MECOM: variants seen among roughly 807,000 people sequenced by gnomAD.
MECOM encodes histone-lysine N-methyltransferase MECOM.
Under a neutral mutation model 116.3 loss-of-function variants are expected in MECOM, and 13 were observed. The ratio of observed to expected loss-of-function variants is 0.11; its 90% CI spans 0.07 to 0.18. The LOEUF (loss-of-function observed/expected upper bound fraction) is 0.18, where lower values mean the gene tolerates loss of function less well. Ranked by LOEUF, MECOM falls within the 10% of genes least tolerant of loss-of-function variation. The probability of loss-of-function intolerance (pLI) is 1.00; values close to 1 mark genes in which losing one functional copy is unlikely to be tolerated. For missense variants in MECOM, 1,299 were observed against 1,509.0 expected (o/e 0.86, Z 2.31); for synonymous variants, 528 against 535.2 (o/e 0.99, Z 0.19).
intron 2 of MECOM, chr3:169,149,779 CATCATCATTATTATTATATTAAT>C (rs1740863699): frequency 2.3e-6 from 1 of 433,106 alleles, no homozygotes; most frequent in African/African-American, 2.1e-5. Context: ...GAATTCATTG[CATCATCATTATTATTATATTAAT>C]ATCATCATTA....
chr3:169,318,667 A>G (rs1236466176), intron 2 of MECOM, among the ~76,000 whole-genome samples: 2 of 152,152 alleles, frequency 1.3e-5, no homozygotes, highest in Non-Finnish European at 2.9e-5. Flanking sequence ...TACACTGTTG[A>G]TGGCAGTGTA....
intron 2 of MECOM, among the ~76,000 whole-genome samples, chr3:169,378,462 CAAGCAAGCAAGCAA>C (rs1372776113): frequency 2.8e-4 from 11 of 39,210 alleles, no homozygotes; most frequent in East Asian, 7.4e-4. Context: ...GGAAAGCAAG[CAAGCAAGCAAGCAA>C]GAAAGAGAGA....
Position 169,478,635 on chromosome 3 carries a change from T to C in MECOM, c.38-97111A>G, listed in dbSNP as rs867066353. Among the ~76,000 whole-genome samples, 4 of 152,244 alleles carry C rather than the reference T, an allele frequency of 2.6e-5. No homozygotes were observed. In the South Asian group the frequency reaches 8.3e-4, roughly 32 times the overall value. ...CTTAACCACCCACGGGAATAGCGAC[T>C]GGTGCCTGCCACTTCCCTAAGGTTG... On this transcript the variant is annotated intron_variant, in intron 1 of 16. Coordinates refer to ENST00000651503, the MANE Select transcript of MECOM (RefSeq NM_004991.4).
intron 2 of MECOM, among the ~76,000 whole-genome samples, chr3:169,258,214 C>T (rs1337387187): frequency 6.6e-6 from 1 of 150,992 alleles, no homozygotes; most frequent in African/African-American, 2.4e-5. Flanking sequence ...AGAAAGACTC[C>T]ATCACAAAAA....
chr3:169,262,491 C>T (rs1175921748), intron 2 of MECOM, among the ~76,000 whole-genome samples: 1 of 152,150 alleles, frequency 6.6e-6, no homozygotes, highest in Non-Finnish European at 1.5e-5. Context: ...TCTCATTCCC[C>T]AGCTCTGCTT....
At chr3:169,107,766 A>G (rs546696942) in intron 10 of MECOM, among the ~76,000 whole-genome samples, 160 bp downstream of exon 10, 1 of 152,344 alleles carries the variant, frequency 6.6e-6, no homozygotes, top group East Asian at 1.9e-4. Context: ...TATAACTGAA[A>G]GAATGCAGCT....
Position 169,663,375 on chromosome 3 carries a change from T to C in MECOM, c.-3A>G. 6.2e-7 allele frequency: 1 copy of C among 1,610,554 alleles called. No individual in the cohort carries two copies. The highest frequency in any genetic ancestry group is 2.2e-5 in the East Asian group (1 of 44,818). ...CTTGCCCTGCCTTTGGATCTCATGC[T>C]GTGCCCAGTCCTGCAGCCGCTGGTG... On this transcript the variant is annotated 5_prime_UTR_variant, in exon 1 of 17. Transcript: ENST00000651503.
intron 2 of MECOM, among the ~76,000 whole-genome samples, chr3:169,298,491 T>C (rs909081565): frequency 4.6e-5 from 7 of 152,032 alleles, no homozygotes; most frequent in African/African-American, 1.7e-4. Flanking sequence ...CATCTATTTA[T>C]ATATACATAT....
chr3:169,360,467 T>C (rs1413579949), intron 2 of MECOM, among the ~76,000 whole-genome samples: 1 of 151,632 alleles, frequency 6.6e-6, no homozygotes, highest in Non-Finnish European at 1.5e-5. Context: ...ATCCTCAAAT[T>C]TCTGCCCAGA....
chr3:169,248,063 A>C (rs1755817020), intron 2 of MECOM, among the ~76,000 whole-genome samples: 1 of 152,234 alleles, frequency 6.6e-6, no homozygotes, highest in African/African-American at 2.4e-5. Context: ...CATGTGTTTA[A>C]GTATTTAGGA....
chr3:169,434,446 T>G (rs1742293276), intron 1 of MECOM, among the ~76,000 whole-genome samples: 1 of 152,076 alleles, frequency 6.6e-6, no homozygotes. Flanking sequence ...TTTACTGTTT[T>G]TTTTTTGTTT....
At chr3:169,095,563 T>C (rs911528221) in intron 12 of MECOM, among the ~76,000 whole-genome samples, 2 of 152,194 alleles carry the variant, frequency 1.3e-5, no homozygotes, top group African/African-American at 4.8e-5. Flanking sequence ...TTTTATCTTC[T>C]GCTTAGGACA....
chr3:169,189,274 AC>A (rs1401409338), intron 2 of MECOM, among the ~76,000 whole-genome samples: 1 of 152,040 alleles, frequency 6.6e-6, no homozygotes, highest in Non-Finnish European at 1.5e-5. Context: ...AAAGTCTTCT[AC>A]TTGACCTTTA....
At chr3:169,342,969 T>G (rs1052203748) in intron 2 of MECOM, among the ~76,000 whole-genome samples, 2 of 152,104 alleles carry the variant, frequency 1.3e-5, no homozygotes, top group African/African-American at 4.8e-5. Context: ...ACTCACAACT[T>G]GCAAAGATTG....
chr3:169,485,395 A>G (rs73174322), intron 1 of MECOM, among the ~76,000 whole-genome samples: 10,728 of 152,280 alleles, frequency 0.07, 650 homozygotes, highest in East Asian at 0.25. Context: ...TGTAGTCAAC[A>G]AAATAGTTTA....
intron 3 of MECOM, among the ~76,000 whole-genome samples, chr3:169,137,653 T>TA (rs1422642810): frequency 1.3e-5 from 2 of 152,128 alleles, no homozygotes; most frequent in African/African-American, 4.8e-5. Context: ...ATCCACTTCC[T>TA]AAATGAAAAA....
At chr3:169,583,763 G>C (rs1765403559) in intron 1 of MECOM, among the ~76,000 whole-genome samples, 3 of 148,218 alleles carry the variant, frequency 2.0e-5, no homozygotes, top group Non-Finnish European at 3.0e-5. Flanking sequence ...ACCACGTCTG[G>C]CTAATTTTTT....
At chr3:169,352,912 T>G (rs1186948142) in intron 2 of MECOM, among the ~76,000 whole-genome samples, 1 of 151,956 alleles carries the variant, frequency 6.6e-6, no homozygotes, top group East Asian at 1.9e-4. Flanking sequence ...ATCTTATCTC[T>G]CTCTGCTCTC....
At chr3:169,239,254 G>T (rs1454317033) in intron 2 of MECOM, among the ~76,000 whole-genome samples, 2 of 152,024 alleles carry the variant, frequency 1.3e-5, no homozygotes, top group African/African-American at 4.8e-5. Context: ...AAATCATTTT[G>T]TTGGAGGAGA....
Sources: allele counts gnomAD v4.1 joint callset (sites outside exome capture counted in the v4.1 genomes callset), GRCh38; gene constraint gnomAD v4.1.1; transcripts MANE v1.5; gene names NCBI Gene and HGNC (gene_info 2026-07-23, HGNC 2026-07-21).